TSHR: variants seen among roughly 807,000 people sequenced by gnomAD.
The protein encoded by TSHR is thyrotropin receptor.
TSHR carries 51 observed loss-of-function variants against 64.1 expected under a neutral mutation model. That is an observed-to-expected ratio of 0.80 (90% CI 0.64 to 1.01). TSHR has a LOEUF of 1.01. TSHR is among the 50% of genes least tolerant of loss of function. The pLI, the probability that TSHR is intolerant of heterozygous loss-of-function variation, is 0.00. For synonymous variants in TSHR, 361 were observed against 361.9 expected, an observed-to-expected ratio of 1.00 and a Z score of 0.03; for missense variants, 877 against 942.8, an observed-to-expected ratio of 0.93 and a Z score of 0.91.
At position 81,011,892 on chromosome 14, in the gene TSHR, T is replaced by C. The variant is rs113007872; in HGVS notation, c.171-50256T>C. Among the ~76,000 whole-genome samples, 1,216 of 152,162 alleles carry C rather than the reference T, an allele frequency of 8.0e-3. 11 individuals carry two copies. The highest frequency in any genetic ancestry group is 0.011 in the Non-Finnish European group (715 of 68,000). On this transcript the variant is annotated intron_variant, in intron 1 of 9. Transcript: ENST00000298171. ...TAAATAAATAAATAAATAAAAGCTT[T>C]TTCCTATCTAGTTTTTACAAGGAAA... is the stretch of plus-strand genomic sequence containing the variant.
intron 1 of TSHR, among the ~76,000 whole-genome samples, chr14:81,048,943 C>T (rs780155067): frequency 1.7e-4 from 26 of 151,986 alleles, no homozygotes; most frequent in Non-Finnish European, 2.9e-4. Flanking sequence ...GTGTTTTGGT[C>T]TTTATTTAGA....
chr14:81,101,377 C>T (rs1445179161), intron 7 of TSHR, among the ~76,000 whole-genome samples: 7 of 152,100 alleles, frequency 4.6e-5, no homozygotes, highest in Admixed American at 4.6e-4. Flanking sequence ...TTGAAAACTA[C>T]AACTTGAAAT....
chr14:80,981,411 A>G (rs1198136181), intron 1 of TSHR, among the ~76,000 whole-genome samples: 2 of 152,176 alleles, frequency 1.3e-5, no homozygotes, highest in African/African-American at 4.8e-5. Context: ...TGGGGAAAGC[A>G]GTGGGAATCC....
rs185555398 is a variant in TSHR at position 81,079,636 on chromosome 14, G to C, written c.318-8318G>C. Among the ~76,000 whole-genome samples the C allele has an allele frequency of 2.4e-4, 37 of 152,308 alleles. No homozygotes were observed. The East Asian group carries it at 6.4e-3, about 26-fold the overall frequency. The stretch of plus-strand genomic sequence containing the variant: ...GGAGACTGAGGCAGAAGGATGGCTT[G>C]AGCCCAGGAGTTTGAGACCAGCCTG... On this transcript the variant is annotated intron_variant, in intron 3 of 9. Coordinates refer to ENST00000298171, the MANE Select transcript of TSHR (RefSeq NM_000369.5).
At chr14:81,138,191 T>TA (rs1891532247) in intron 8 of TSHR, among the ~76,000 whole-genome samples, 1 of 150,210 alleles carries the variant, frequency 6.7e-6, no homozygotes, top group Non-Finnish European at 1.5e-5. Context: ...AGGGTAATTT[T>TA]TTTTTTTTTT....
chr14:80,963,550 A>G (rs1887147656), intron 1 of TSHR, among the ~76,000 whole-genome samples: 2 of 152,256 alleles, frequency 1.3e-5, no homozygotes, highest in South Asian at 4.1e-4. Flanking sequence ...TAAAGACCCA[A>G]AGGAACAGAG....
chr14:81,032,840 T>C (rs1884419301), intron 1 of TSHR: 1 of 369,986 alleles, frequency 2.7e-6, no homozygotes, highest in South Asian at 2.6e-5. Context: ...ACTATCAAGA[T>C]AAACTGGAGG....
chr14:80,978,238 C>T (rs1023272901), intron 1 of TSHR, among the ~76,000 whole-genome samples: 18 of 152,094 alleles, frequency 1.2e-4, no homozygotes, highest in African/African-American at 4.3e-4. Flanking sequence ...AATTGGGCTG[C>T]CACCCTGTGC....
intron 1 of TSHR, among the ~76,000 whole-genome samples, chr14:80,975,438 T>C (rs1887817690): frequency 6.6e-6 from 1 of 152,218 alleles, no homozygotes; most frequent in African/African-American, 2.4e-5. Context: ...CACAGCTATC[T>C]AAACACACTC....
chr14:81,012,402 C>T (rs975392843), intron 1 of TSHR: 34 of 151,762 alleles, frequency 2.2e-4, no homozygotes, highest in South Asian at 4.2e-4. Context: ...AATAAACATA[C>T]GTGTGCATGT....
intron 1 of TSHR, chr14:80,982,417 G>A: frequency 8.0e-7 from 1 of 1,247,914 alleles, no homozygotes; most frequent in Non-Finnish European, 1.1e-6. Context: ...TGAAATTGGT[G>A]CCCAGGTCTG....
intron 2 of TSHR, among the ~76,000 whole-genome samples, chr14:81,062,511 T>C (rs973471591): frequency 2.6e-5 from 4 of 152,142 alleles, no homozygotes; most frequent in African/African-American, 9.7e-5. Context: ...AAACCTTAGC[T>C]GTAAATCTCT....
intron 1 of TSHR, among the ~76,000 whole-genome samples, chr14:80,960,480 T>A (rs1257734364): frequency 1.3e-5 from 2 of 152,200 alleles, no homozygotes; most frequent in South Asian, 2.1e-4. Context: ...CTCCCATACA[T>A]ATGAAACACT....
At chr14:81,124,579 T>C (rs1890940463) in intron 8 of TSHR, among the ~76,000 whole-genome samples, 1 of 152,122 alleles carries the variant, frequency 6.6e-6, no homozygotes, top group Non-Finnish European at 1.5e-5. Context: ...TAGATTTATA[T>C]CTCTATATAT....
At position 81,106,710 on chromosome 14, in the gene TSHR, C is replaced by T. The variant is rs577175878; in HGVS notation, c.615-1665C>T. ...CTGTAATCCCAGCACTTTGGGAGGC[C>T]GAGTTGGGCAGATCAGTTGAGGTCA... On this transcript the variant is annotated intron_variant, in intron 7 of 9. Transcript: ENST00000298171. Among the ~76,000 whole-genome samples, 7 of 151,958 alleles carry T rather than the reference C, an allele frequency of 4.6e-5. No individual in the cohort carries two copies. The East Asian group carries it at 7.7e-4, about 17-fold the overall frequency.
intron 1 of TSHR, among the ~76,000 whole-genome samples, chr14:81,048,233 C>G (rs1885264678): frequency 6.6e-6 from 1 of 152,056 alleles, no homozygotes; most frequent in African/African-American, 2.4e-5. Context: ...AAACAGAAGC[C>G]TTCAGGTCTC....
intron 1 of TSHR, among the ~76,000 whole-genome samples, chr14:80,964,147 C>T (rs1264057714): frequency 6.6e-6 from 1 of 152,098 alleles, no homozygotes; most frequent in Non-Finnish European, 1.5e-5. Context: ...GGGGGCGGAT[C>T]ACGAGGTCAG....
intron 8 of TSHR, among the ~76,000 whole-genome samples, chr14:81,129,159 T>C (rs1179521414): frequency 6.6e-6 from 1 of 152,190 alleles, no homozygotes; most frequent in Non-Finnish European, 1.5e-5. Flanking sequence ...ACTAGACCTG[T>C]CATGACCAAT....
chr14:81,028,924 T>C (rs542773648), intron 1 of TSHR, among the ~76,000 whole-genome samples: 4 of 152,056 alleles, frequency 2.6e-5, no homozygotes, highest in Admixed American at 6.5e-5. Flanking sequence ...GTAAGGTTGA[T>C]TGAGGAAATA....
Sources: allele counts gnomAD v4.1 joint callset (sites outside exome capture counted in the v4.1 genomes callset), GRCh38; gene constraint gnomAD v4.1.1; transcripts MANE v1.5; gene names NCBI Gene and HGNC (gene_info 2026-07-23, HGNC 2026-07-21).